MANSC4: variants seen among roughly 807,000 people sequenced by gnomAD.
MANSC4 encodes the protein MANSC domain-containing protein 4.
In MANSC4, 11 loss-of-function variants were observed where a neutral mutation model predicts 11.4. The observed-to-expected ratio is 0.97, with a 90% confidence interval of 0.61 to 1.60. The LOEUF (loss-of-function observed/expected upper bound fraction) is 1.60. Ranked by LOEUF, MANSC4 falls within the 40% of genes most tolerant of loss-of-function variation. The probability of loss-of-function intolerance (pLI) is 0.00; values close to 1 mark genes in which losing one functional copy is unlikely to be tolerated. For synonymous variants in MANSC4, 123 were observed against 147.1 expected (o/e 0.84, Z 1.19); for missense variants, 354 against 404.6 (o/e 0.88, Z 1.07).
chr12:27,773,767 C>A (rs1001957081), intron 1 of MANSC4, among the ~76,000 whole-genome samples: 1 of 152,166 alleles, frequency 6.6e-6, no homozygotes, highest in Non-Finnish European at 1.5e-5. Flanking sequence ...TAACTAGAAC[C>A]ATTTAAAGAC....
At chr12:27,767,043 G>C (rs1213206445) in intron 2 of MANSC4, among the ~76,000 whole-genome samples, 2 of 152,050 alleles carry the variant, frequency 1.3e-5, no homozygotes, top group African/African-American at 2.4e-5. Context: ...GCAGTGGTGC[G>C]ATTACAGCTC....
intron 3 of MANSC4, 104 bp from the exon 4 acceptor site, chr12:27,763,500 G>T: frequency 9.5e-7 from 1 of 1,050,094 alleles, no homozygotes. Context: ...ATGAGTTATC[G>T]AACGAAGCTA....
chr12:27,775,952 T>C (rs2062118389), intron 1 of MANSC4, among the ~76,000 whole-genome samples: 1 of 151,598 alleles, frequency 6.6e-6, no homozygotes, highest in South Asian at 2.1e-4. Flanking sequence ...TAGCCAGGCG[T>C]GGTGGCAGAC....
At chr12:27,765,880 C>G (rs2062070302) in intron 3 of MANSC4, among the ~76,000 whole-genome samples, 1 of 152,154 alleles carries the variant, frequency 6.6e-6, no homozygotes, top group Non-Finnish European at 1.5e-5. Flanking sequence ...GCACGAAACA[C>G]TTATATTTCT....
At position 27,766,650 on chromosome 12, in the gene MANSC4, A is replaced by G; in HGVS notation, c.364+15T>C. On this transcript the variant is annotated intron_variant, in intron 3 of 3. Transcript: ENST00000381273. ...GCCAGCATTCTTTTAAAGTCTTGAA[A>G]TATGTAATCATTACCGTCTGTTATG... 2 of 1,548,862 alleles carry G rather than the reference A, an allele frequency of 1.3e-6. No individual in the cohort carries two copies. Among genetic ancestry groups the G allele is most frequent in the Non-Finnish European group, 1.7e-6 (2 of 1,146,094 alleles).
At chr12:27,776,127 C>T (rs2062119118) in intron 1 of MANSC4, among the ~76,000 whole-genome samples, 1 of 143,944 alleles carries the variant, frequency 6.9e-6, no homozygotes, top group South Asian at 2.3e-4. Flanking sequence ...TTCAGTGATC[C>T]TAAAGAAAGA....
In MANSC4 at chr12:27,762,982, T is replaced by A. The variant is rs562555333; in HGVS notation, c.779A>T (p.Asn260Ile). The stretch of plus-strand genomic sequence containing the variant: ...TCTGCTATTGTATCCTTTGGTTTTG[T>A]TTAGTAATTGTTTGCTACTGTTGAG... ...PGLNSSKQLLNKTKGYNSRNH... is the reference protein window; with the variant it reads ...PGLNSSKQLLIKTKGYNSRNH... The change falls in exon 4 of 4, where the codon AAC (asparagine) becomes ATC (isoleucine). Residue 260 changes from asparagine (N) to isoleucine (I), a missense_variant. Physicochemically the swap from Asn to Ile is moderately radical, Grantham distance 149 (BLOSUM62 -3). Transcript: ENST00000381273. 6.4e-7 allele frequency: 1 copy of A among 1,551,802 alleles called. No homozygotes were observed. The highest frequency in any genetic ancestry group is 1.4e-5 in the African/African-American group (1 of 73,178).
At chr12:27,765,509 CTCTCCTG>C (rs1371616885) in intron 3 of MANSC4, among the ~76,000 whole-genome samples, 6 of 152,198 alleles carry the variant, frequency 3.9e-5, no homozygotes, top group African/African-American at 1.4e-4. Flanking sequence ...TGTTTGCTTA[CTCTCCTG>C]TGGCATAATA....
intron 3 of MANSC4, among the ~76,000 whole-genome samples, chr12:27,764,774 C>A (rs1341174167): frequency 6.6e-6 from 1 of 152,184 alleles, no homozygotes; most frequent in Non-Finnish European, 1.5e-5. Context: ...AAGCCAAAAT[C>A]ATTACCTCTG....
intron 3 of MANSC4, among the ~76,000 whole-genome samples, chr12:27,764,840 A>G (rs954774599): frequency 2.0e-5 from 3 of 151,928 alleles, no homozygotes; most frequent in African/African-American, 7.3e-5. Context: ...ACTGAAATCT[A>G]CACTGTAAGG....
intron 2 of MANSC4, among the ~76,000 whole-genome samples, chr12:27,769,323 T>C (rs981327197): frequency 2.0e-5 from 3 of 152,222 alleles, no homozygotes; most frequent in Non-Finnish European, 4.4e-5. Flanking sequence ...CGTTTTGGCA[T>C]CCCAGCTCTG....
At chr12:27,770,242 G>A (rs1173456389) in intron 2 of MANSC4, among the ~76,000 whole-genome samples, 2 of 152,148 alleles carry the variant, frequency 1.3e-5, no homozygotes, top group Non-Finnish European at 2.9e-5. Flanking sequence ...GTGCACTGGT[G>A]CGATCTCGGC....
At position 27,762,840 on chromosome 12, in the gene MANSC4, A is replaced by G. The variant is rs2062053254; in HGVS notation, c.921T>C (p.Ser307=). Residue 307 remains serine, a synonymous_variant, in exon 4 of 4, where the codon TCT becomes TCC. Coordinates refer to ENST00000381273, the MANE Select transcript of MANSC4 (RefSeq NM_001146221.5). ...GGCCCTGCTGCTTTCCACAGCATCC[A>G]GATGCCAGGATGACTATACAACAGC... ...FLGCCIVILA[S]GCCGKQQGQY... 1.3e-6 allele frequency: 2 copies of G among 1,551,832 alleles called. No individual in the cohort carries two copies. The highest frequency in any genetic ancestry group is 1.7e-6 in the Non-Finnish European group (2 of 1,147,066).
chr12:27,774,079 C>T (rs1350136323), intron 1 of MANSC4, among the ~76,000 whole-genome samples: 1 of 151,928 alleles, frequency 6.6e-6, no homozygotes, highest in Non-Finnish European at 1.5e-5. Context: ...ACCTGGGCAG[C>T]AGAGGTTGCA....
intron 3 of MANSC4, among the ~76,000 whole-genome samples, chr12:27,765,185 A>T (rs2062066984): frequency 1.3e-5 from 2 of 152,336 alleles, no homozygotes; most frequent in South Asian, 4.1e-4. Flanking sequence ...TTTATTAAAA[A>T]GGTGATGAAG....
intron 1 of MANSC4, among the ~76,000 whole-genome samples, chr12:27,773,228 A>AAAAC (rs1045559031): frequency 1.2e-4 from 19 of 152,222 alleles, no homozygotes; most frequent in African/African-American, 4.6e-4. Context: ...TAAGAAACAA[A>AAAAC]AAACAAACAA....
intron 1 of MANSC4, among the ~76,000 whole-genome samples, chr12:27,773,082 C>T (rs1353721417): frequency 6.6e-6 from 1 of 152,166 alleles, no homozygotes; most frequent in Non-Finnish European, 1.5e-5. Context: ...GTGGCTAATG[C>T]CTATAATCCC....
At chr12:27,766,945 TAAACTA>T in intron 2 of MANSC4, 146 bp from the exon 3 acceptor site, 1 of 812,348 alleles carries the variant, frequency 1.2e-6, no homozygotes, top group Non-Finnish European at 1.9e-6. Context: ...AGAATGTTTA[TAAACTA>T]TTGTAACTGC....
intron 1 of MANSC4, among the ~76,000 whole-genome samples, chr12:27,775,093 A>G (rs75350827): frequency 0.04 from 6,085 of 152,192 alleles, 386 homozygotes; most frequent in African/African-American, 0.14. Flanking sequence ...TGTAAAGGTT[A>G]AAGCAGAGGG....
Sources: gnomAD v4.1 joint callset for allele counts (sites outside exome capture counted in the v4.1 genomes callset) on GRCh38, gnomAD v4.1.1 for gene constraint, MANE v1.5 for transcripts, NCBI Gene and HGNC (gene_info 2026-07-23, HGNC 2026-07-21) for gene names.